Variants in CACNA1F observed in about 807,000 individuals in gnomAD.
CACNA1F encodes the protein calcium voltage-gated channel subunit alpha1 F, also known as voltage-dependent L-type calcium channel subunit alpha-1F.
Under a neutral mutation model 143.8 loss-of-function variants are expected in CACNA1F, and 59 were observed. That is an observed-to-expected ratio of 0.41 (90% CI 0.33 to 0.51). The LOEUF (loss-of-function observed/expected upper bound fraction) is 0.51. CACNA1F is among the 20% of genes least tolerant of loss of function. The probability of loss-of-function intolerance (pLI) is 0.22; values close to 1 mark genes in which losing one functional copy is unlikely to be tolerated. For synonymous variants in CACNA1F, 643 were observed against 649.1 expected, an observed-to-expected ratio of 0.99 and a Z score of 0.14; for missense variants, 1,411 against 1,647.5, an observed-to-expected ratio of 0.86 and a Z score of 2.48.
chrX:49,225,850 G>A, intron 13 of CACNA1F, 59 bp downstream of exon 13: 4 of 1,123,122 alleles, frequency 3.6e-6, no homozygotes, highest in South Asian at 2.0e-5. Context: ...TTGGATTTAA[G>A]CTTCTGGGGT....
chrX:49,230,712 G>T (rs1242841858), intron 4 of CACNA1F, 103 bp from the exon 5 acceptor site: 1 of 1,087,089 alleles, frequency 9.2e-7, no homozygotes, highest in African/African-American at 1.8e-5. Flanking sequence ...ACTAGAAATA[G>T]AAATGGGTTT....
In CACNA1F at chrX:49,209,991, C is replaced by A; in HGVS notation, c.4640G>T (p.Trp1547Leu). ...QELRIVIKKI[W>L]KRMKQKLLDE... ...TAGCAGCTTCTGTTTCATCCGCTTC[C>A]AGATCTTTTTGATGACAATCCGCAG... Residue 1547 changes from tryptophan (W) to leucine (L), a missense_variant, in exon 40 of 48, where the codon TGG becomes TTG. Physicochemically the swap from Trp to Leu is moderately conservative, Grantham distance 61. Coordinates refer to ENST00000323022, the MANE Select transcript of CACNA1F (RefSeq NM_001256789.3). The A allele has an allele frequency of 8.3e-7, 1 of 1,210,704 alleles. No homozygotes were observed. Among genetic ancestry groups the A allele is most frequent in the Non-Finnish European group, 1.1e-6 (1 of 894,448 alleles).
Position 49,224,946 on chromosome X carries a change from C to T in CACNA1F, c.1692G>A (p.Glu564=). The T allele has an allele frequency of 8.3e-7, 1 of 1,205,853 alleles. No individual in the cohort carries two copies. The highest frequency in any genetic ancestry group is 1.1e-6 in the Non-Finnish European group (1 of 891,019). ...NKVLLCLFTV[E]MLLKLYGLGP... The stretch of plus-strand genomic sequence containing the variant: ...CCAGACCGTACAATTTGAGAAGCAT[C>T]TCCACCGTGAACAGACAGAGCAACA... Residue 564 remains glutamate (E), a synonymous_variant, in exon 14 of 48, where the codon GAG becomes GAA. Coordinates refer to ENST00000323022, the MANE Select transcript of CACNA1F (RefSeq NM_001256789.3).
intron 41 of CACNA1F, 39 bp downstream of exon 41, chrX:49,209,590 C>T (rs781998968): frequency 1.7e-6 from 2 of 1,207,559 alleles, no homozygotes; most frequent in Non-Finnish European, 2.2e-6. Context: ...CACAGCACTG[C>T]CACACGTGCC....
chrX:49,226,046 C>G lies in CACNA1F; in HGVS notation c.1514G>C (p.Arg505Pro). The change falls in exon 13 of 48, where the codon CGG becomes CCG. Residue 505 changes from arginine (R) to proline (P), a missense_variant. This residue lies in a region of CACNA1F where 950 missense variants were observed against 1,128.1 expected (regional missense o/e 0.84). Coordinates refer to ENST00000323022, the MANE Select transcript of CACNA1F (RefSeq NM_001256789.3). ...RVCRRLRRAN[R>P]VLRARCRRAV... ...CCGACGGCAGCGTGCCCGAAGGACCCGGTTGGCTCGGCGGAGGCGGCGGCT... is the reference window on the plus strand; with the variant it reads ...CCGACGGCAGCGTGCCCGAAGGACCGGGTTGGCTCGGCGGAGGCGGCGGCT... 2 of 1,190,467 alleles carry G rather than the reference C, an allele frequency of 1.7e-6. No individual in the cohort carries two copies. The highest frequency in any genetic ancestry group is 1.8e-5 in the South Asian group (1 of 54,363).
chrX:49,218,979 G>A (rs781794337), intron 21 of CACNA1F, 38 bp from the exon 22 acceptor site: 47 of 1,067,403 alleles, frequency 4.4e-5, no homozygotes, highest in Non-Finnish European at 5.7e-5. Context: ...ACTGAGTCAC[G>A]GCTGAGGGGG....
rs1557111707 is a variant in CACNA1F at position 49,233,323 on chromosome X, T to C, written c.-14A>G. The C allele has an allele frequency of 1.6e-5, 19 of 1,190,440 alleles. No homozygotes were observed. The highest frequency in any genetic ancestry group is 2.1e-5 in the Non-Finnish European group (18 of 878,018). ...AGATTCCGACATCTTTCTTTCGAGA[T>C]TGAAGGGCCATCTGCACACAACCCC... On this transcript the variant is annotated 5_prime_UTR_variant, in exon 1 of 48. Transcript: ENST00000323022.
In CACNA1F at chrX:49,215,485, G is replaced by A. The variant is rs2065704524; in HGVS notation, c.3295C>T (p.Arg1099Cys). The A allele has an allele frequency of 5.0e-6, 6 of 1,206,630 alleles. No homozygotes were observed. The highest frequency in any genetic ancestry group is 6.7e-6 in the Non-Finnish European group (6 of 891,848). Residue 1099 changes from arginine to cysteine, a missense_variant, in exon 28 of 48, where the codon CGT becomes TGT. Arg to Cys is a radical substitution (Grantham distance 180, BLOSUM62 -3). Transcript: ENST00000323022. ...AEDHGPIYNY[R>C]VEISVFFIVY... Reference sequence around the variant, plus strand: ...ATGAAGAACACTGAGATCTCCACACGGTAATTATAGATGGGGCCGTGGTCC... The same window carrying A: ...ATGAAGAACACTGAGATCTCCACACAGTAATTATAGATGGGGCCGTGGTCC...
intron 14 of CACNA1F, among the ~76,000 whole-genome samples, chrX:49,224,559 C>T (rs2065805280): frequency 9.0e-6 from 1 of 110,996 alleles, no homozygotes; most frequent in Non-Finnish European, 1.9e-5. Flanking sequence ...AGACATTCTC[C>T]CCAGTGGATG....
At chrX:49,206,118 C>T (rs924639443) in intron 46 of CACNA1F, among the ~76,000 whole-genome samples, 5 of 110,796 alleles carry the variant, frequency 4.5e-5, no homozygotes, top group East Asian at 2.8e-4. Flanking sequence ...TGAGGCCAGG[C>T]GCGGTGGCTT....
chrX:49,209,546 G>A, intron 41 of CACNA1F, 83 bp downstream of exon 41: 1 of 1,170,998 alleles, frequency 8.5e-7, no homozygotes, highest in Admixed American at 2.3e-5. Flanking sequence ...TGTGACATGG[G>A]TTTCACAAGA....
At chrX:49,213,155 G>A (rs2065675588) in intron 31 of CACNA1F, among the ~76,000 whole-genome samples, 161 bp from the exon 32 acceptor site, 2 of 111,200 alleles carry the variant, frequency 1.8e-5, no homozygotes, top group South Asian at 7.6e-4. Context: ...ATTAGGATTA[G>A]GAAAAAGTGG....
At chrX:49,210,914 T>C in intron 37 of CACNA1F, 51 bp downstream of exon 37, 1 of 1,163,685 alleles carries the variant, frequency 8.6e-7, no homozygotes, top group African/African-American at 1.8e-5. Context: ...GGGGACTGTG[T>C]AGGGCAATAC....
At position 49,206,768 on chromosome X, in the gene CACNA1F, G is replaced by T; in HGVS notation, c.5319C>A (p.His1773Gln). The T allele has an allele frequency of 8.3e-7, 1 of 1,208,374 alleles. No individual in the cohort carries two copies. The highest frequency in any genetic ancestry group is 1.8e-5 in the South Asian group (1 of 56,399). The change falls in exon 45 of 48, where the codon CAC becomes CAA. Residue 1773 changes from histidine (H) to glutamine (Q), a missense_variant. By Grantham distance (24) the His-to-Gln change is conservative. This residue lies in a region of CACNA1F where 349 missense variants were observed against 350.2 expected (regional missense o/e 1.00). Coordinates refer to ENST00000323022, the MANE Select transcript of CACNA1F (RefSeq NM_001256789.3). ...PHRAQRYMDG[H>Q]LVPRRRLLPP... ...GCAGCAGACGGCGGCGTGGTACCAG[G>T]TGCCCATCCATGTATCTCTGAGCTC...
chrX:49,218,487 G>A lies in CACNA1F; in HGVS notation c.2896C>T (p.Leu966Phe), dbSNP rs2065740369. 2.5e-6 allele frequency: 3 copies of A among 1,184,870 alleles called. No homozygotes were observed. The highest frequency in any genetic ancestry group is 3.4e-6 in the Non-Finnish European group (3 of 882,404). ...CCCTTGGCCCTGTTGATGGCTCGGA[G>A]GGGCCGCAGTACTCGGAGTACTCGC... ...ILRVLRVLRP[L>F]RAINRAKGLK... is the part of the protein sequence containing the mutation. The change falls in exon 24 of 48, where the codon CTC (leucine) becomes TTC (phenylalanine). Residue 966 changes from leucine to phenylalanine, a missense_variant. Physicochemically the swap from Leu to Phe is conservative, Grantham distance 22. Coordinates refer to ENST00000323022, the MANE Select transcript of CACNA1F (RefSeq NM_001256789.3).
chrX:49,210,842 G>T, intron 37 of CACNA1F, 123 bp downstream of exon 37: 1 of 899,137 alleles, frequency 1.1e-6, no homozygotes, highest in Middle Eastern at 2.9e-4. Flanking sequence ...ATGGGGCAGT[G>T]GAAACTTTGG....
intron 1 of CACNA1F, 97 bp downstream of exon 1, chrX:49,233,188 A>G: frequency 1.3e-6 from 1 of 741,560 alleles, no homozygotes; most frequent in Non-Finnish European, 1.9e-6. Context: ...CTTGTCCCCT[A>G]GAGGCTCTCT....
At chrX:49,225,016 C>T (rs1434646837) in intron 13 of CACNA1F, 30 bp from the exon 14 acceptor site, 3 of 1,036,897 alleles carry the variant, frequency 2.9e-6, no homozygotes. Context: ...GATGATCGGG[C>T]TGGCCAGTTT....
rs2065663546 is a variant in CACNA1F, at chrX:49,212,218, G to T, written c.4008+25C>A. 4.3e-6 allele frequency: 5 copies of T among 1,171,475 alleles called. No homozygotes were observed. In the African/African-American group the frequency reaches 7.0e-5, roughly 16 times the overall value. ...CCTGCCAGCAGAGGAGTGCTTAAGG[G>T]ATGCTTCCTAGGGTCCCCACTTGCC... On this transcript the variant is annotated intron_variant, in intron 34 of 47. Coordinates refer to ENST00000323022, the MANE Select transcript of CACNA1F (RefSeq NM_001256789.3).
Sources: allele counts gnomAD v4.1 joint callset (sites outside exome capture counted in the v4.1 genomes callset), GRCh38; gene constraint gnomAD v4.1.1; regional missense constraint gnomAD v4.1.1; transcripts MANE v1.5; gene names NCBI Gene and HGNC (gene_info 2026-07-23, HGNC 2026-07-21).